TULP3: variants seen among roughly 807,000 people sequenced by gnomAD.
TULP3 encodes the protein tubby-related protein 3.
A neutral mutation model predicts 50.7 loss-of-function variants in TULP3; 38 were observed. The observed-to-expected ratio is 0.75, with a 90% CI of 0.58 to 0.98. The LOEUF is 0.98. TULP3 is among the 50% of genes least tolerant of loss of function. The pLI is 0.00. For synonymous variants in TULP3, 183 were observed against 196.6 expected (o/e 0.93, Z 0.58); for missense variants, 550 against 568.0 (o/e 0.97, Z 0.32).
In TULP3 at chr12:2,922,388, G is replaced by C; in HGVS notation, c.380G>C (p.Arg127Pro). 6.2e-7 allele frequency: 1 copy of C among 1,612,764 alleles called. No homozygotes were observed. The highest frequency in any genetic ancestry group is 8.5e-7 in the Non-Finnish European group (1 of 1,179,688). Reference protein sequence around the residue: ...DTASKPGLQERLQKHDISESV... With the variant: ...DTASKPGLQEPLQKHDISESV... ...GCTTCCAAGCCAGGACTTCAGGAGCGTCTCCAAAAGCATGGTGAGGACTGG... is the reference window on the plus strand; with the variant it reads ...GCTTCCAAGCCAGGACTTCAGGAGCCTCTCCAAAAGCATGGTGAGGACTGG... The change falls in exon 4 of 11, where the codon CGT becomes CCT. Residue 127 changes from arginine (R) to proline (P), a missense_variant. Coordinates refer to ENST00000448120, the MANE Select transcript of TULP3 (RefSeq NM_003324.5).
At chr12:2,902,920 G>A (rs1403679630) in intron 1 of TULP3, among the ~76,000 whole-genome samples, 1 of 148,096 alleles carries the variant, frequency 6.8e-6, no homozygotes. Flanking sequence ...AGAGTGTCAT[G>A]GCGTGATCCC....
intron 1 of TULP3, among the ~76,000 whole-genome samples, chr12:2,897,771 TAAAAAAAAA>T (rs71057851): frequency 8.0e-6 from 1 of 125,784 alleles, no homozygotes; most frequent in South Asian, 2.6e-4. Flanking sequence ...CCCTGTCTCT[TAAAAAAAAA>T]AAAAAAAAAA....
Position 2,940,426 on chromosome 12 carries a change from T to C in TULP3, c.*982T>C. 6.8e-7 allele frequency: 1 copy of C among 1,462,822 alleles called. No individual in the cohort carries two copies. Among genetic ancestry groups the C allele is most frequent in the South Asian group, 1.4e-5 (1 of 69,708 alleles). The allele number at this position is 1,462,822 out of a possible 1,614,324, so 90.6% of individuals were successfully genotyped here. On this transcript the variant is annotated 3_prime_UTR_variant, in exon 11 of 11. Transcript: ENST00000448120. The stretch of plus-strand genomic sequence containing the variant: ...CAGAGCTGTGGACTTTCTTCTCGGC[T>C]CCCTCAACCCTGGCTCAGGCACAGA...
At chr12:2,929,480 A>T (rs1002339319) in intron 4 of TULP3, among the ~76,000 whole-genome samples, 6 of 152,112 alleles carry the variant, frequency 3.9e-5, no homozygotes, top group African/African-American at 7.2e-5. Flanking sequence ...TAATTTTTTT[A>T]AAAAAACTTT....
Position 2,904,163 on chromosome 12 carries a change from C to T in TULP3, c.42-5366C>T, listed in dbSNP as rs149336829. ...AGAATCAGTACTGTTAACTGATTCA[C>T]AGGCCTTATTTGAATTTTGTCAGTT... On this transcript the variant is annotated intron_variant, in intron 1 of 10. Transcript: ENST00000448120. Among the ~76,000 whole-genome samples the T allele has an allele frequency of 1.2e-4, 18 of 152,276 alleles. No individual in the cohort carries two copies. In the East Asian group the frequency reaches 3.5e-3, roughly 29 times the overall value.
chr12:2,906,810 GGAGGCT>G (rs2098182577), intron 1 of TULP3, among the ~76,000 whole-genome samples: 2 of 151,494 alleles, frequency 1.3e-5, no homozygotes, highest in South Asian at 4.2e-4. Context: ...CAGCTGCTGA[GGAGGCT>G]GAGGCAGGAG....
In TULP3 at chr12:2,937,714, C is replaced by T. The variant is rs1052987187; in HGVS notation, c.1008C>T (p.Pro336=). 6.2e-7 allele frequency: 1 copy of T among 1,612,394 alleles called. No individual in the cohort carries two copies. The highest frequency in any genetic ancestry group is 8.5e-7 in the Non-Finnish European group (1 of 1,179,306). ...PGMTLNHKQI[P]YQPQNNHDSL... Reference sequence around the variant, plus strand: ...TGACACTGAATCATAAGCAGATCCCCTATCAGCCACAAAACGTGAGTAAGA... The same window carrying T: ...TGACACTGAATCATAAGCAGATCCCTTATCAGCCACAAAACGTGAGTAAGA... The change falls in exon 9 of 11, where the codon CCC becomes CCT. Residue 336 remains proline, a synonymous_variant. Coordinates refer to ENST00000448120, the MANE Select transcript of TULP3 (RefSeq NM_003324.5).
intron 1 of TULP3, among the ~76,000 whole-genome samples, chr12:2,894,090 G>C (rs1427462546): frequency 6.6e-6 from 1 of 152,066 alleles, no homozygotes; most frequent in Non-Finnish European, 1.5e-5. Flanking sequence ...AGCCCTATCT[G>C]GCCTTTTGTA....
chr12:2,893,328 T>TTTTTG (rs2098173354), intron 1 of TULP3, among the ~76,000 whole-genome samples: 1 of 40,496 alleles, frequency 2.5e-5, no homozygotes, highest in South Asian at 7.1e-4. Flanking sequence ...GTTTAATGTG[T>TTTTTG]TTTTTTTTTT....
rs540429555 is a variant in TULP3, at chr12:2,933,193, G to C, written c.697-225G>C. Among the ~76,000 whole-genome samples, 7 of 152,118 alleles carry C rather than the reference G, an allele frequency of 4.6e-5. No homozygotes were observed. In the South Asian group the frequency reaches 1.5e-3, roughly 32 times the overall value. On this transcript the variant is annotated intron_variant, in intron 6 of 10. Transcript: ENST00000448120. ...CCTGACCTTGTGATCTGCCCACCTC[G>C]GCCTCCCAAAGTGCTGGGATTACAG...
intron 1 of TULP3, among the ~76,000 whole-genome samples, chr12:2,902,779 C>T (rs1280254217): frequency 6.6e-6 from 1 of 151,968 alleles, no homozygotes; most frequent in Admixed American, 6.6e-5. Context: ...TTATCTTTAG[C>T]AAATTTCTTC....
chr12:2,908,596 T>G (rs1236305246), intron 1 of TULP3, among the ~76,000 whole-genome samples: 1 of 122,170 alleles, frequency 8.2e-6, no homozygotes, highest in East Asian at 2.6e-4. Context: ...GCTAATTTTT[T>G]GTATCTTAGT....
intron 1 of TULP3, among the ~76,000 whole-genome samples, chr12:2,894,310 GA>G (rs869138461): frequency 7.0e-4 from 27 of 38,534 alleles, no homozygotes; most frequent in African/African-American, 2.3e-3. Context: ...CGGGGGGGGG[GA>G]AATCACCTGA....
At chr12:2,902,766 T>A (rs1435740387) in intron 1 of TULP3, among the ~76,000 whole-genome samples, 1 of 152,180 alleles carries the variant, frequency 6.6e-6, no homozygotes, top group Admixed American at 6.6e-5. Context: ...GTTTCTCTGT[T>A]ACTTATCTTT....
At chr12:2,895,558 A>G (rs551240905) in intron 1 of TULP3, among the ~76,000 whole-genome samples, 1 of 152,328 alleles carries the variant, frequency 6.6e-6, no homozygotes, top group African/African-American at 2.4e-5. Context: ...GAATATTGAC[A>G]TTTAGGATTT....
chr12:2,920,919 C>T lies in TULP3; in HGVS notation c.250C>T (p.His84Tyr), dbSNP rs773363701. Residue 84 changes from histidine to tyrosine, a missense_variant, in exon 3 of 11, where the codon CAT becomes TAT. His to Tyr is a moderately conservative substitution (Grantham distance 83, BLOSUM62 2). Transcript: ENST00000448120. ...TACTCCCCACAGCAATGTCATCTTA[C>T]ATGGTGTGTATTTAGGCAGCATCAC... ...CHTPHSNVIL[H>Y]GIDGPAAVLK... is the part of the protein sequence containing the mutation. 1 of 1,614,124 alleles carries T rather than the reference C, an allele frequency of 6.2e-7. No homozygotes were observed. The highest frequency in any genetic ancestry group is 8.5e-7 in the Non-Finnish European group (1 of 1,180,016).
rs397774608 is a variant in TULP3 at position 2,937,799 on chromosome 12, C to CCAA, written c.1023+70_1023+71insCAA. 2,375 of 720,568 alleles carry CCAA rather than the reference C, an allele frequency of 3.3e-3. 35 individuals carry two copies. In the African/African-American group the frequency reaches 0.053, roughly 16 times the overall value. The allele number at this position is 720,568 out of a possible 1,614,324, so 44.6% of individuals were successfully genotyped here. On this transcript the variant is annotated intron_variant, in intron 9 of 10. Coordinates refer to ENST00000448120, the MANE Select transcript of TULP3 (RefSeq NM_003324.5). ...GTAGTACAATACACAGAGATTAATA[C>CCAA]AAAAAAAAAAAAAAAGATTGAGCTT...
chr12:2,934,560 A>G lies in TULP3; in HGVS notation c.923A>G (p.Tyr308Cys), dbSNP rs34459378. ...CGGCAGGAGCTGGCTGCCATCTCCTATGTGAGTGCTGCTTTCCCAGGGCCG... is the reference window on the plus strand; with the variant it reads ...CGGCAGGAGCTGGCTGCCATCTCCTGTGTGAGTGCTGCTTTCCCAGGGCCG... ...HTRQELAAIS[Y>C]ETNVLGFKGP... The change falls in exon 8 of 11, where the codon TAT becomes TGT. Residue 308 changes from tyrosine (Y) to cysteine (C), a missense_variant and splice_region_variant. Tyr to Cys is a radical substitution (Grantham distance 194, BLOSUM62 -2). Transcript: ENST00000448120. 1 of 1,571,006 alleles carries G rather than the reference A, an allele frequency of 6.4e-7. No homozygotes were observed.
At chr12:2,893,468 G>T (rs973910992) in intron 1 of TULP3, among the ~76,000 whole-genome samples, 1 of 151,778 alleles carries the variant, frequency 6.6e-6, no homozygotes, top group African/African-American at 2.4e-5. Flanking sequence ...TTACAGGCAT[G>T]CGCCACCGTG....
Sources: gnomAD v4.1 joint callset for allele counts (sites outside exome capture counted in the v4.1 genomes callset) on GRCh38, gnomAD v4.1.1 for gene constraint, MANE v1.5 for transcripts, NCBI Gene and HGNC (gene_info 2026-07-23, HGNC 2026-07-21) for gene names.